The following RBPJ variants were observed in gnomAD, a reference collection of about 807,000 sequenced individuals.
RBPJ encodes recombination signal binding protein for immunoglobulin kappa J region, also known as recombining binding protein suppressor of hairless.
Under a neutral mutation model 67.8 loss-of-function variants are expected in RBPJ, and 9 were observed. The ratio of observed to expected loss-of-function variants is 0.13; its 90% CI spans 0.08 to 0.23. The LOEUF (loss-of-function observed/expected upper bound fraction) is 0.23. Ranked by LOEUF, RBPJ falls within the 10% of genes least tolerant of loss-of-function variation. RBPJ has a pLI of 1.00. For missense variants in RBPJ, 305 were observed against 595.6 expected (o/e 0.51, Z 5.08); for synonymous variants, 198 against 203.3 (o/e 0.97, Z 0.22).
intron 1 of RBPJ, among the ~76,000 whole-genome samples, chr4:26,165,184 A>G (rs987670077): frequency 6.6e-6 from 1 of 152,210 alleles, no homozygotes; most frequent in East Asian, 1.9e-4. Flanking sequence ...ATTACCTCTT[A>G]TATATGATAA....
intron 1 of RBPJ, among the ~76,000 whole-genome samples, chr4:26,275,921 C>G (rs1215173971): frequency 1.3e-5 from 2 of 151,724 alleles, no homozygotes; most frequent in Admixed American, 1.3e-4. Context: ...CCACCGCAAC[C>G]GGCCCAAATC....
At position 26,433,064 on chromosome 4, in the gene RBPJ, AC is replaced by A. The variant is rs1158430260; in HGVS notation, c.*2062del. On this transcript the variant is annotated 3_prime_UTR_variant, in exon 11 of 11. Transcript: ENST00000355476. ...TCTCTTACTGCAAGCCTTTTTAATC[AC>A]CCCCAGGCTGCATTTTATTCTATAT... 6.6e-6 allele frequency: 1 copy of A among 151,986 alleles called. No individual in the cohort carries two copies. Among genetic ancestry groups the A allele is most frequent in the Non-Finnish European group, 1.5e-5 (1 of 67,990 alleles). 9.4% of individuals were successfully genotyped at this position (151,986 alleles called of 1,614,324 possible).
At chr4:26,254,233 C>T (rs1560230895) in intron 1 of RBPJ, among the ~76,000 whole-genome samples, 1 of 148,918 alleles carries the variant, frequency 6.7e-6, no homozygotes, top group African/African-American at 2.6e-5. Context: ...GAAAACTCTC[C>T]AATGGCTTCT....
At chr4:26,352,625 C>T (rs557439937) in intron 1 of RBPJ, among the ~76,000 whole-genome samples, 36 of 152,312 alleles carry the variant, frequency 2.4e-4, no homozygotes, top group African/African-American at 8.7e-4. Context: ...ATCACTTGAA[C>T]CTGGGAGGCG....
At chr4:26,341,642 A>C (rs567016770) in intron 1 of RBPJ, among the ~76,000 whole-genome samples, 1 of 152,072 alleles carries the variant, frequency 6.6e-6, no homozygotes, top group African/African-American at 2.4e-5. Context: ...ACAAAAAAAA[A>C]CCAAACGAAA....
chr4:26,115,140 T>G, the RBPJ span, among the ~76,000 whole-genome samples: 2 of 152,206 alleles, frequency 1.3e-5, no homozygotes, highest in African/African-American at 4.8e-5. Context: ...AAGGTTTTCA[T>G]TTTCTTCACA....
chr4:26,228,039 G>T (rs77434827), intron 1 of RBPJ, among the ~76,000 whole-genome samples: 1 of 152,118 alleles, frequency 6.6e-6, no homozygotes, highest in African/African-American at 2.4e-5. Context: ...TCCCTGCTGC[G>T]GCAAGTCACT....
chr4:26,415,337 C>A, intron 3 of RBPJ, 138 bp from the exon 4 acceptor site: 1 of 710,684 alleles, frequency 1.4e-6, no homozygotes, highest in East Asian at 2.8e-5. Context: ...TTACAAAAGG[C>A]TTCACCAAAA....
the RBPJ span, among the ~76,000 whole-genome samples, chr4:26,139,660 T>C: frequency 5.3e-5 from 8 of 152,146 alleles, no homozygotes; most frequent in African/African-American, 1.7e-4. Flanking sequence ...CAGAGGCAAA[T>C]GGAGCCTGGC....
intron 1 of RBPJ, among the ~76,000 whole-genome samples, chr4:26,251,870 AAAG>A (rs1266850552): frequency 4.1e-4 from 61 of 150,592 alleles, no homozygotes; most frequent in Admixed American, 3.6e-3. Context: ...AAAAAAAAAA[AAAG>A]AAGAGGAGGA....
chr4:26,312,411 G>A (rs921837922), intron 1 of RBPJ, among the ~76,000 whole-genome samples: 2 of 152,154 alleles, frequency 1.3e-5, no homozygotes, highest in African/African-American at 2.4e-5. Flanking sequence ...GATTACAGGT[G>A]TGAGCCACCA....
At chr4:26,399,724 C>T (rs1002602883) in intron 2 of RBPJ, among the ~76,000 whole-genome samples, 1 of 151,890 alleles carries the variant, frequency 6.6e-6, no homozygotes, top group Non-Finnish European at 1.5e-5. Flanking sequence ...TGGAGTCTGT[C>T]GCTCAGGCTG....
Position 26,191,439 on chromosome 4 carries a change from T to C in RBPJ, c.-167+27825T>C, listed in dbSNP as rs185936310. ...ACCCCCATCCCAGGTAACATCTGCA[T>C]TGGGAGTGACCAAGACCACCCCAGG... On this transcript the variant is annotated intron_variant, in intron 1 of 4. Coordinates refer to the RBPJ transcript ENST00000512351. Among the ~76,000 whole-genome samples, 382 of 151,928 alleles carry C rather than the reference T, an allele frequency of 2.5e-3. 1 individual carries two copies. Among genetic ancestry groups the C allele is most frequent in the African/African-American group, 8.8e-3 (363 of 41,442 alleles).
chr4:26,138,203 C>A, the RBPJ span, among the ~76,000 whole-genome samples: 1 of 152,314 alleles, frequency 6.6e-6, no homozygotes, highest in Admixed American at 6.5e-5. Flanking sequence ...GCAAACCTTA[C>A]CTGATATCAT....
intron 1 of RBPJ, among the ~76,000 whole-genome samples, chr4:26,287,343 C>G (rs1721499905): frequency 6.6e-6 from 1 of 151,618 alleles, no homozygotes; most frequent in African/African-American, 2.4e-5. Context: ...AGTTTGAGAC[C>G]AGCCTGGGCA....
chr4:26,433,024 C>G lies in RBPJ; in HGVS notation c.*2017C>G, dbSNP rs937215174. 2.0e-5 allele frequency: 3 copies of G among 152,156 alleles called. No homozygotes were observed. The highest frequency in any genetic ancestry group is 2.0e-4 in the Admixed American group (3 of 15,270). The allele number at this position is 152,156 out of a possible 1,614,324, so 9.4% of individuals were successfully genotyped here. A position where few individuals can be genotyped will look rare whatever the true frequency, so the allele number is the denominator to read the frequency against. ...TGTAAAGCACGTTAGGTGGTTAAAT[C>G]AGTTATTGCGGTTTTCTCTTACTGC... On this transcript the variant is annotated 3_prime_UTR_variant, in exon 11 of 11. Transcript: ENST00000355476.
intron 4 of RBPJ, 67 bp downstream of exon 4, chr4:26,415,707 T>C: frequency 1.4e-6 from 2 of 1,431,924 alleles, no homozygotes; most frequent in East Asian, 4.7e-5. Flanking sequence ...TTCATATTCA[T>C]TTTTGTGGTG....
intron 1 of RBPJ, among the ~76,000 whole-genome samples, chr4:26,225,537 T>A (rs1404222735): frequency 6.6e-6 from 1 of 152,112 alleles, no homozygotes; most frequent in African/African-American, 2.4e-5. Context: ...TATGTGACAT[T>A]ATGCATTTGT....
chr4:26,385,814 T>G (rs1049052292), intron 1 of RBPJ, among the ~76,000 whole-genome samples: 1 of 151,410 alleles, frequency 6.6e-6, no homozygotes, highest in African/African-American at 2.4e-5. Context: ...TTTTATTTTA[T>G]TTTTTTGAGA....
Sources: gnomAD v4.1 joint callset for allele counts (sites outside exome capture counted in the v4.1 genomes callset) on GRCh38, gnomAD v4.1.1 for gene constraint, MANE v1.5 for transcripts, NCBI Gene and HGNC (gene_info 2026-07-23, HGNC 2026-07-21) for gene names.